SVEP1: variants seen among roughly 807,000 people sequenced by gnomAD.
The protein encoded by SVEP1 is sushi, von Willebrand factor type A, EGF and pentraxin domain-containing protein 1.
A neutral mutation model predicts 367.3 loss-of-function variants in SVEP1; 164 were observed. The observed-to-expected ratio is 0.45, with a 90% CI of 0.39 to 0.51. The LOEUF is 0.51. Ranked by LOEUF, SVEP1 falls within the 20% of genes least tolerant of loss-of-function variation. SVEP1 has a pLI of 0.00. For missense variants in SVEP1, 4,117 were observed against 4,425.3 expected, an observed-to-expected ratio of 0.93 and a Z score of 1.98; for synonymous variants, 1,666 against 1,611.6, an observed-to-expected ratio of 1.03 and a Z score of -0.81.
In SVEP1 at chr9:110,368,606, A is replaced by G. The variant is rs1264958102; in HGVS notation, c.10694+1317T>C. 2.0e-5 allele frequency among the ~76,000 whole-genome samples: 3 copies of G among 152,222 alleles called. No homozygotes were observed. The East Asian group carries it at 5.8e-4, about 29-fold the overall frequency. On this transcript the variant is annotated intron_variant, in intron 47 of 47. Transcript: ENST00000374469. ...TCTCTCTGGGCTTTTCTTTATCTGA[A>G]AAATGAAGAGGTTGAAATATAAAAT...
intron 8 of SVEP1, among the ~76,000 whole-genome samples, chr9:110,494,091 C>T (rs1315142941): frequency 6.6e-6 from 1 of 152,172 alleles, no homozygotes; most frequent in Non-Finnish European, 1.5e-5. Flanking sequence ...CCTGGATAAC[C>T]CACGCTAATC....
intron 1 of SVEP1, among the ~76,000 whole-genome samples, chr9:110,565,625 G>T (rs1238502988): frequency 6.6e-6 from 1 of 152,136 alleles, no homozygotes. Flanking sequence ...AGAGTGAAGT[G>T]GGTGTGAGAT....
intron 1 of SVEP1, among the ~76,000 whole-genome samples, chr9:110,575,001 T>C (rs1379690130): frequency 6.6e-6 from 1 of 152,082 alleles, no homozygotes; most frequent in Non-Finnish European, 1.5e-5. Flanking sequence ...CGCCTTGGCC[T>C]CCCAAAGTCC....
chr9:110,559,207 G>T (rs1830393189), intron 1 of SVEP1, among the ~76,000 whole-genome samples: 2 of 151,838 alleles, frequency 1.3e-5, no homozygotes, highest in Admixed American at 1.3e-4. Context: ...AACATAATAA[G>T]ACACAGAACC....
chr9:110,387,425 T>C lies in SVEP1; in HGVS notation c.9920A>G (p.Asn3307Ser), dbSNP rs368850323. The C allele has an allele frequency of 7.1e-5, 114 of 1,611,372 alleles. No homozygotes were observed. The highest frequency in any genetic ancestry group is 8.9e-5 in the East Asian group (4 of 44,846). The change falls in exon 42 of 48, where the codon AAT (asparagine) becomes AGT (serine). Residue 3307 changes from asparagine to serine, a missense_variant. By Grantham distance (46) the Asn-to-Ser change is conservative. This residue lies in a region of SVEP1 where 1,765 missense variants were observed against 1,781.1 expected (regional missense o/e 0.99). Transcript: ENST00000374469. ...TRCETPLEFLNGKADIENRTT... is the reference protein window; with the variant it reads ...TRCETPLEFLSGKADIENRTT... ...CCTGTTTTCAATGTCAGCTTTCCCATTGAGAAATTCAAGTGGAGTTTCACA... is the reference window on the plus strand; with the variant it reads ...CCTGTTTTCAATGTCAGCTTTCCCACTGAGAAATTCAAGTGGAGTTTCACA...
At chr9:110,431,885 G>A (rs1828354562) in intron 32 of SVEP1, 30 bp downstream of exon 32, 1 of 1,612,292 alleles carries the variant, frequency 6.2e-7, no homozygotes, top group Admixed American at 1.7e-5. Flanking sequence ...AATGGAATTA[G>A]GAACTTTTAG....
chr9:110,375,483 A>G lies in SVEP1; in HGVS notation c.10505-20T>C. On this transcript the variant is annotated intron_variant, in intron 45 of 47. Coordinates refer to ENST00000374469, the MANE Select transcript of SVEP1 (RefSeq NM_153366.4). ...AGATTGCTAAAAAAAAAAAAAAAAA[A>G]AAAAAAAGGAGGCAGGGGGGATTGA... 6.6e-7 allele frequency: 1 copy of G among 1,508,388 alleles called. No homozygotes were observed. The highest frequency in any genetic ancestry group is 8.9e-7 in the Non-Finnish European group (1 of 1,122,130). 93.4% of individuals were successfully genotyped at this position (1,508,388 alleles called of 1,614,324 possible).
intron 4 of SVEP1, 24 bp from the exon 5 acceptor site, chr9:110,513,129 GA>G (rs1225075335): frequency 1.3e-6 from 2 of 1,581,922 alleles, no homozygotes; most frequent in South Asian, 2.3e-5. Context: ...AAATAAAATT[GA>G]AAAGCAAAGT....
At chr9:110,575,538 G>A (rs1404632205) in intron 1 of SVEP1, among the ~76,000 whole-genome samples, 11 of 152,160 alleles carry the variant, frequency 7.2e-5, no homozygotes, top group African/African-American at 1.7e-4. Flanking sequence ...TGCCTGGCGC[G>A]ACTGCTTCAA....
chr9:110,564,060 C>A lies in SVEP1; in HGVS notation c.532-13956G>T, dbSNP rs149717440. The stretch of plus-strand genomic sequence containing the variant: ...TAGGCAGTGGACTGAAGAGTGGGGG[C>A]ATGGTCCTCAGTGAAAGTGGCTGTT... On this transcript the variant is annotated intron_variant, in intron 1 of 47. Coordinates refer to ENST00000374469, the MANE Select transcript of SVEP1 (RefSeq NM_153366.4). 5.3e-5 allele frequency among the ~76,000 whole-genome samples: 8 copies of A among 152,280 alleles called. No individual in the cohort carries two copies. In the East Asian group the frequency reaches 1.5e-3, roughly 29 times the overall value.
intron 1 of SVEP1, among the ~76,000 whole-genome samples, chr9:110,560,189 A>T (rs1448345207): frequency 2.6e-5 from 4 of 152,206 alleles, no homozygotes; most frequent in Admixed American, 6.5e-5. Context: ...AATTGTCCAC[A>T]GTATTCAGTA....
rs147487990 is a variant in SVEP1, at chr9:110,542,867, T to C, written c.964+3248A>G. Among the ~76,000 whole-genome samples the C allele has an allele frequency of 4.0e-3, 604 of 150,616 alleles. 1 individual carries two copies. The highest frequency in any genetic ancestry group is 0.014 in the African/African-American group (570 of 41,126). On this transcript the variant is annotated intron_variant, in intron 3 of 47. Coordinates refer to ENST00000374469, the MANE Select transcript of SVEP1 (RefSeq NM_153366.4). The stretch of plus-strand genomic sequence containing the variant: ...CATTAGGAGATATACTTAATGTGAA[T>C]GACGAGTTAATGGGTGCAGCATACC...
In SVEP1 at chr9:110,549,863, C is replaced by A. The variant is rs559240898; in HGVS notation, c.773G>T (p.Arg258Leu). Residue 258 changes from arginine to leucine, a missense_variant, in exon 2 of 48, where the codon CGG (arginine) becomes CTG (leucine). By Grantham distance (102) the Arg-to-Leu change is moderately radical. Around this residue, in one of 4 missense-constraint regions of SVEP1, gnomAD observed 2,174 missense variants for 2,494.3 expected, o/e 0.87. Transcript: ENST00000374469. ...GTTTCCATTACCTTCATGCAATGCC[C>A]GGCGAGCTAAAGCCTCAAATTCTTC... The part of the protein sequence containing the change: ...SFEEFEALAR[R>L]ALHEDLPSGS... 6.2e-7 allele frequency: 1 copy of A among 1,613,760 alleles called. No homozygotes were observed. Among genetic ancestry groups the A allele is most frequent in the South Asian group, 1.1e-5 (1 of 91,054 alleles).
rs542191849 is a variant in SVEP1, at chr9:110,445,928, T to G, written c.4372A>C (p.Lys1458Gln). ...LHALTCTFWMKSSDDMNYGTP... is the reference protein window; with the variant it reads ...LHALTCTFWMQSSDDMNYGTP... ...CCATAGTTCATGTCGTCAGAGGATT[T>G]CATCCAGAAGGTACAGGTTAGAGCA... Residue 1458 changes from lysine (K) to glutamine (Q), a missense_variant, in exon 26 of 48, where the codon AAA becomes CAA. Physicochemically the swap from Lys to Gln is moderately conservative, Grantham distance 53. Coordinates refer to ENST00000374469, the MANE Select transcript of SVEP1 (RefSeq NM_153366.4). 6.2e-7 allele frequency: 1 copy of G among 1,613,960 alleles called. No individual in the cohort carries two copies. Among genetic ancestry groups the G allele is most frequent in the Middle Eastern group, 1.6e-4 (1 of 6,062 alleles).
At chr9:110,576,101 AC>A (rs1401008849) in intron 1 of SVEP1, among the ~76,000 whole-genome samples, 1 of 152,226 alleles carries the variant, frequency 6.6e-6, no homozygotes, top group Non-Finnish European at 1.5e-5. Flanking sequence ...TCTTAAAAAA[AC>A]ATGAATATTC....
intron 6 of SVEP1, 121 bp downstream of exon 6, chr9:110,502,917 T>C (rs1240652901): frequency 3.0e-6 from 3 of 1,004,368 alleles, no homozygotes; most frequent in Non-Finnish European, 4.3e-6. Flanking sequence ...CACCTGTACA[T>C]GTGGATATGT....
intron 40 of SVEP1, among the ~76,000 whole-genome samples, chr9:110,390,753 C>T (rs2118974466): frequency 6.6e-6 from 1 of 152,046 alleles, no homozygotes; most frequent in African/African-American, 2.4e-5. Context: ...ACTCAACCCA[C>T]AGAAATATTG....
rs771087794 is a variant in SVEP1 at position 110,404,468 on chromosome 9, G to A, written c.9525C>T (p.Ser3175=). Residue 3175 remains serine (S), a synonymous_variant, in exon 39 of 48, where the codon TCC becomes TCT. Transcript: ENST00000374469. ...GGAGAGGACATTTTTTAGGACTGCA[G>A]GAGATTCTCTCAGGGAACCAGCGAC... is the stretch of plus-strand genomic sequence containing the variant. ...KDGRWFPERI[S]CSPKKCPLPE... The A allele has an allele frequency of 6.2e-7, 1 of 1,613,980 alleles. No homozygotes were observed. Among genetic ancestry groups the A allele is most frequent in the South Asian group, 1.1e-5 (1 of 91,082 alleles).
chr9:110,386,148 G>C, intron 42 of SVEP1, 74 bp from the exon 43 acceptor site: 3 of 1,516,034 alleles, frequency 2.0e-6, no homozygotes, highest in Non-Finnish European at 2.7e-6. Context: ...AGGTGGAGTA[G>C]TAGTCCTATA....
Sources: gnomAD v4.1 joint callset for allele counts (sites outside exome capture counted in the v4.1 genomes callset) on GRCh38, gnomAD v4.1.1 for gene constraint, gnomAD v4.1.1 regional missense constraint, MANE v1.5 for transcripts, NCBI Gene and HGNC (gene_info 2026-07-23, HGNC 2026-07-21) for gene names.